The following RXFP1 variants were observed in gnomAD, a reference collection of about 807,000 sequenced individuals.
RXFP1 encodes relaxin family peptide receptor 1, also known as relaxin receptor 1.
Under a neutral mutation model 89.8 loss-of-function variants are expected in RXFP1, and 73 were observed. That is an observed-to-expected ratio of 0.81 (90% CI 0.67 to 0.99). The LOEUF is 0.99. RXFP1 is among the 50% of genes least tolerant of loss of function. RXFP1 has a pLI of 0.00. For missense variants in RXFP1, 793 were observed against 895.5 expected (o/e 0.89, Z 1.46); for synonymous variants, 277 against 305.5 (o/e 0.91, Z 0.97).
chr4:158,550,347 TGTCACCGCTTTCTTTGACTA>T (rs1165763334), intron 1 of RXFP1, among the ~76,000 whole-genome samples: 2 of 152,238 alleles, frequency 1.3e-5, no homozygotes, highest in Non-Finnish European at 2.9e-5. Context: ...AGGTGCTGTC[TGTCACCGCTTTCTTTGACTA>T]GGAAAGGGAA....
intron 1 of RXFP1, among the ~76,000 whole-genome samples, chr4:158,529,858 A>T (rs889465895): frequency 1.8e-4 from 28 of 152,182 alleles, no homozygotes; most frequent in African/African-American, 6.8e-4. Flanking sequence ...TCTGATTTCT[A>T]CTCATTTCAT....
intron 4 of RXFP1, among the ~76,000 whole-genome samples, chr4:158,604,183 A>G (rs1388534387): frequency 2.0e-5 from 3 of 152,028 alleles, no homozygotes; most frequent in East Asian, 3.9e-4. Flanking sequence ...ATTGTATAAA[A>G]CTGTCTTAAC....
At chr4:158,563,836 TTATAATGTTATAACATTATATTA>T in intron 1 of RXFP1, among the ~76,000 whole-genome samples, 1 of 149,138 alleles carries the variant, frequency 6.7e-6, no homozygotes, top group Middle Eastern at 3.6e-3. Flanking sequence ...CATTATAACA[TTATAATGTTATAACATTATATTA>T]TATAATGTTA....
intron 1 of RXFP1, among the ~76,000 whole-genome samples, chr4:158,564,853 TA>T (rs1315102078): frequency 6.6e-6 from 1 of 152,248 alleles, no homozygotes; most frequent in East Asian, 1.9e-4. Flanking sequence ...GGTTCCATGC[TA>T]AAAAGGAAAT....
chr4:158,647,568 G>A (rs1211724769), intron 16 of RXFP1, among the ~76,000 whole-genome samples: 1 of 152,128 alleles, frequency 6.6e-6, no homozygotes, highest in African/African-American at 2.4e-5. Context: ...AAAAGTAACT[G>A]AATTAGAAAA....
chr4:158,550,247 G>T (rs909380057), intron 1 of RXFP1, among the ~76,000 whole-genome samples: 7 of 152,208 alleles, frequency 4.6e-5, no homozygotes, highest in African/African-American at 1.4e-4. Context: ...AGGACCCTCC[G>T]AGCCATGTGT....
chr4:158,585,319 C>T (rs1316646225), intron 2 of RXFP1, among the ~76,000 whole-genome samples: 2 of 152,188 alleles, frequency 1.3e-5, no homozygotes, highest in Admixed American at 1.3e-4. Context: ...GAACTCTCTT[C>T]TCAAGGATAT....
chr4:158,612,222 A>G (rs377677261), intron 7 of RXFP1, 21 bp downstream of exon 7: 6 of 1,606,190 alleles, frequency 3.7e-6, no homozygotes, highest in Non-Finnish European at 4.3e-6. Context: ...TTTATGTGGC[A>G]TTTTATTGCA....
chr4:158,537,943 A>T (rs963745822), intron 1 of RXFP1, among the ~76,000 whole-genome samples: 3 of 152,186 alleles, frequency 2.0e-5, no homozygotes, highest in Non-Finnish European at 4.4e-5. Flanking sequence ...AGGCTTGAAG[A>T]ATGAGGAACA....
At chr4:158,595,095 T>C (rs1341511410) in intron 3 of RXFP1, among the ~76,000 whole-genome samples, 1 of 152,230 alleles carries the variant, frequency 6.6e-6, no homozygotes, top group Non-Finnish European at 1.5e-5. Flanking sequence ...AATTTTACAC[T>C]ATGAGTTCTA....
intron 1 of RXFP1, among the ~76,000 whole-genome samples, chr4:158,539,863 A>G (rs996276481): frequency 3.9e-5 from 6 of 152,332 alleles, no homozygotes; most frequent in Admixed American, 1.3e-4. Context: ...AGATGGAAAA[A>G]AAATCACAGA....
intron 1 of RXFP1, among the ~76,000 whole-genome samples, chr4:158,537,649 A>G (rs1283067863): frequency 1.3e-5 from 2 of 152,148 alleles, no homozygotes; most frequent in Non-Finnish European, 2.9e-5. Flanking sequence ...TCCTTCAACT[A>G]ATTTTGTTTT....
chr4:158,594,797 A>G (rs1760216815), intron 3 of RXFP1, among the ~76,000 whole-genome samples: 1 of 152,146 alleles, frequency 6.6e-6, no homozygotes. Flanking sequence ...CAATAAAAAC[A>G]TTCACAGAAT....
chr4:158,525,527 A>G (rs1332680059), intron 1 of RXFP1, among the ~76,000 whole-genome samples: 1 of 152,248 alleles, frequency 6.6e-6, no homozygotes, highest in African/African-American at 2.4e-5. Flanking sequence ...TTTCAAGTAC[A>G]ATTTCACACA....
Position 158,638,068 on chromosome 4 carries a change from A to T in RXFP1, c.1032A>T (p.Lys344Asn). ...IQANQFDYLV[K>N]LKSLSLEGIE... ...CAAACCAATTTGATTATCTTGTCAAACTCAAGTCTCTGTAAGTATTCACAT... is the reference window on the plus strand; with the variant it reads ...CAAACCAATTTGATTATCTTGTCAATCTCAAGTCTCTGTAAGTATTCACAT... Residue 344 changes from lysine to asparagine, a missense_variant, in exon 13 of 18, where the codon AAA becomes AAT. Coordinates refer to ENST00000307765, the MANE Select transcript of RXFP1 (RefSeq NM_021634.4). The T allele has an allele frequency of 6.3e-7, 1 of 1,593,802 alleles. No homozygotes were observed. The highest frequency in any genetic ancestry group is 8.6e-7 in the Non-Finnish European group (1 of 1,162,808).
chr4:158,636,916 C>T lies in RXFP1; in HGVS notation c.972-1092C>T, dbSNP rs141769413. Among the ~76,000 whole-genome samples, 473 of 152,276 alleles carry T rather than the reference C, an allele frequency of 3.1e-3. 1 individual carries two copies. Among genetic ancestry groups the T allele is most frequent in the African/African-American group, 0.011 (446 of 41,554 alleles). On this transcript the variant is annotated intron_variant, in intron 12 of 17. Transcript: ENST00000307765. ...ATATATTCCAATCCTTTCCCACCTGCCTCTAGTGACCACCTTCTACTCTCT... is the reference window on the plus strand; with the variant it reads ...ATATATTCCAATCCTTTCCCACCTGTCTCTAGTGACCACCTTCTACTCTCT...
At chr4:158,627,643 A>G (rs1401439355) in intron 10 of RXFP1, among the ~76,000 whole-genome samples, 2 of 152,046 alleles carry the variant, frequency 1.3e-5, no homozygotes, top group East Asian at 1.9e-4. Flanking sequence ...ACCCCTGTAT[A>G]TAGGCGATAC....
intron 12 of RXFP1, among the ~76,000 whole-genome samples, chr4:158,637,412 C>A (rs915310463): frequency 3.3e-5 from 5 of 152,106 alleles, no homozygotes; most frequent in Admixed American, 6.5e-5. Context: ...CCTTATCTTT[C>A]ATCTTTTTGA....
intron 3 of RXFP1, among the ~76,000 whole-genome samples, chr4:158,598,828 A>G (rs1761127729): frequency 6.6e-6 from 1 of 152,062 alleles, no homozygotes; most frequent in Admixed American, 6.5e-5. Flanking sequence ...TGATTTTAAA[A>G]AAAAAACTAT....
Sources: gnomAD v4.1 joint callset for allele counts (sites outside exome capture counted in the v4.1 genomes callset) on GRCh38, gnomAD v4.1.1 for gene constraint, MANE v1.5 for transcripts, NCBI Gene and HGNC (gene_info 2026-07-23, HGNC 2026-07-21) for gene names.